The following DLGAP2 variants were observed in gnomAD, a reference collection of about 807,000 sequenced individuals.
DLGAP2 encodes disks large-associated protein 2.
A neutral mutation model predicts 100.3 loss-of-function variants in DLGAP2; 26 were observed. That is an observed-to-expected ratio of 0.26 (90% CI 0.19 to 0.36). The LOEUF is 0.36. Among genes scored for constraint, DLGAP2 ranks in the 10% least tolerant of loss-of-function variants. DLGAP2 has a pLI of 1.00. For synonymous variants in DLGAP2, 886 were observed against 630.1 expected (o/e 1.41, Z -6.08); for missense variants, 1,858 against 1,453.2 (o/e 1.28, Z -4.53).
Position 1,435,226 on chromosome 8 carries a change from G to A in DLGAP2, c.107-66140G>A, listed in dbSNP as rs184356540. On this transcript the variant is annotated intron_variant, in intron 3 of 14. Transcript: ENST00000637795. ...GACTTGAGCAGCTTTTGTAGATTTT[G>A]GGGTGGTAGTGGAATGAGGGCAACA... Among the ~76,000 whole-genome samples, 7 of 152,276 alleles carry A rather than the reference G, an allele frequency of 4.6e-5. No individual in the cohort carries two copies. The East Asian group carries it at 1.4e-3, about 29-fold the overall frequency.
At chr8:1,655,002 T>C (rs888571532) in intron 8 of DLGAP2, among the ~76,000 whole-genome samples, 10 of 152,234 alleles carry the variant, frequency 6.6e-5, no homozygotes, top group African/African-American at 2.4e-4. Flanking sequence ...AGGAAGTGTC[T>C]CGAACAGCAG....
At chr8:1,660,410 T>C (rs1798382536) in intron 8 of DLGAP2, among the ~76,000 whole-genome samples, 1 of 152,240 alleles carries the variant, frequency 6.6e-6, no homozygotes, top group Non-Finnish European at 1.5e-5. Context: ...TGAGGGATTA[T>C]ATTATATGCA....
intron 3 of DLGAP2, among the ~76,000 whole-genome samples, chr8:1,468,471 A>G (rs1354274745): frequency 6.6e-6 from 1 of 151,562 alleles, no homozygotes; most frequent in Non-Finnish European, 1.5e-5. Context: ...CCCGGTTCAC[A>G]TCGCATGGAT....
intron 13 of DLGAP2, among the ~76,000 whole-genome samples, chr8:1,692,897 TA>T (rs896905059): frequency 6.8e-6 from 1 of 147,954 alleles, no homozygotes; most frequent in Non-Finnish European, 1.5e-5. Context: ...TGCTTATATA[TA>T]AATATATATA....
At chr8:1,164,507 G>C (rs548012098) in intron 2 of DLGAP2, among the ~76,000 whole-genome samples, 4 of 152,156 alleles carry the variant, frequency 2.6e-5, no homozygotes, top group South Asian at 2.1e-4. Context: ...CAGGTAACCA[G>C]GTTGGGCGTG....
intron 1 of DLGAP2, among the ~76,000 whole-genome samples, chr8:777,639 G>T (rs1401224248): frequency 4.0e-5 from 6 of 151,762 alleles, no homozygotes; most frequent in Admixed American, 6.6e-5. Flanking sequence ...TGAAATTCTG[G>T]GTTGAAAATT....
At chr8:998,349 G>T (rs1800847282) in intron 2 of DLGAP2, among the ~76,000 whole-genome samples, 1 of 152,166 alleles carries the variant, frequency 6.6e-6, no homozygotes, top group African/African-American at 2.4e-5. Flanking sequence ...CACCCAGGCT[G>T]GAGTGCAGTG....
chr8:1,451,834 C>T (rs531109885), intron 3 of DLGAP2, among the ~76,000 whole-genome samples: 9 of 152,204 alleles, frequency 5.9e-5, no homozygotes, highest in Non-Finnish European at 1.2e-4. Context: ...GGCCCACATT[C>T]GCTGCGATCA....
At chr8:1,066,824 G>T (rs1466040129) in intron 2 of DLGAP2, among the ~76,000 whole-genome samples, 24 of 152,220 alleles carry the variant, frequency 1.6e-4, no homozygotes, top group Admixed American at 1.6e-3. Flanking sequence ...TGGTGAAAAA[G>T]ACCCTGATGG....
At chr8:784,056 C>T (rs1563430515) in intron 1 of DLGAP2, among the ~76,000 whole-genome samples, 1 of 152,166 alleles carries the variant, frequency 6.6e-6, no homozygotes, top group African/African-American at 2.4e-5. Flanking sequence ...CTAAGTTTTG[C>T]ATCTTACAGC....
intron 3 of DLGAP2, among the ~76,000 whole-genome samples, chr8:1,334,812 G>A (rs577803712): frequency 6.6e-6 from 1 of 151,976 alleles, no homozygotes; most frequent in African/African-American, 2.4e-5. Context: ...TTGACACGCT[G>A]TAAAGGAAGA....
At chr8:1,499,276 A>G (rs938472696) in intron 3 of DLGAP2, among the ~76,000 whole-genome samples, 1 of 152,202 alleles carries the variant, frequency 6.6e-6, no homozygotes, top group Non-Finnish European at 1.5e-5. Flanking sequence ...TGTCATTGCA[A>G]CTGGGTGATG....
intron 4 of DLGAP2, among the ~76,000 whole-genome samples, chr8:1,543,831 C>T (rs146853537): frequency 9.2e-5 from 14 of 152,274 alleles, no homozygotes; most frequent in South Asian, 8.3e-4. Flanking sequence ...TTTTCATTTA[C>T]GTAAGTCTTG....
intron 1 of DLGAP2, among the ~76,000 whole-genome samples, chr8:746,364 T>C (rs571956370): frequency 6.6e-6 from 1 of 152,360 alleles, no homozygotes; most frequent in East Asian, 1.9e-4. Context: ...GTGCTGGCAT[T>C]GTCTGCAGGC....
intron 2 of DLGAP2, among the ~76,000 whole-genome samples, chr8:1,225,558 A>C (rs11986487): frequency 0.14 from 21,504 of 152,228 alleles, 2,591 homozygotes; most frequent in African/African-American, 0.32. Context: ...ATCCCGTCAA[A>C]ATGGTTAATT....
intron 8 of DLGAP2, among the ~76,000 whole-genome samples, chr8:1,662,852 G>A (rs1798441503): frequency 6.6e-6 from 1 of 150,756 alleles, no homozygotes; most frequent in Non-Finnish European, 1.5e-5. Context: ...GTGTGCCTGT[G>A]TGTACACGTG....
At chr8:943,423 G>T in intron 2 of DLGAP2, among the ~76,000 whole-genome samples, 1 of 152,372 alleles carries the variant, frequency 6.6e-6, no homozygotes, top group South Asian at 2.1e-4. Flanking sequence ...TGCGGCACCC[G>T]CGTGTCTGGT....
intron 2 of DLGAP2, among the ~76,000 whole-genome samples, chr8:1,098,655 G>A (rs1349269384): frequency 5.8e-5 from 6 of 102,828 alleles, no homozygotes; most frequent in Non-Finnish European, 2.2e-5. Flanking sequence ...CACGGACGCC[G>A]CCACCCACGC....
intron 1 of DLGAP2, among the ~76,000 whole-genome samples, chr8:821,526 A>T (rs1475337358): frequency 6.6e-6 from 1 of 152,226 alleles, no homozygotes; most frequent in African/African-American, 2.4e-5. Flanking sequence ...ATTTATCAAA[A>T]ATACATATAT....
Sources: gnomAD v4.1 joint callset for allele counts (sites outside exome capture counted in the v4.1 genomes callset) on GRCh38, gnomAD v4.1.1 for gene constraint, MANE v1.5 for transcripts, NCBI Gene and HGNC (gene_info 2026-07-23, HGNC 2026-07-21) for gene names.